Variants in MKLN1 observed in about 807,000 individuals in gnomAD.
MKLN1 encodes muskelin.
In MKLN1, 18 loss-of-function variants were observed where a neutral mutation model predicts 99.0. The observed-to-expected ratio is 0.18, with a 90% CI of 0.13 to 0.27. The LOEUF is 0.27. Among genes scored for constraint, MKLN1 ranks in the 10% least tolerant of loss-of-function variants. MKLN1 has a pLI of 1.00. For synonymous variants in MKLN1, 288 were observed against 293.2 expected (o/e 0.98, Z 0.18); for missense variants, 621 against 875.9 (o/e 0.71, Z 3.67).
intron 8 of MKLN1, among the ~76,000 whole-genome samples, chr7:131,421,437 T>C (rs1199876179): frequency 1.3e-5 from 2 of 152,134 alleles, no homozygotes; most frequent in Admixed American, 6.6e-5. Flanking sequence ...CCACATATAA[T>C]AGGTAGGTGT....
intron 1 of MKLN1, among the ~76,000 whole-genome samples, chr7:131,124,297 A>C (rs1795420866): frequency 6.6e-6 from 1 of 152,248 alleles, no homozygotes. Context: ...GTAAGTCAAG[A>C]GGTCACAGAC....
intron 17 of MKLN1, among the ~76,000 whole-genome samples, chr7:131,483,177 C>T (rs965932303): frequency 6.6e-6 from 1 of 152,116 alleles, no homozygotes; most frequent in African/African-American, 2.4e-5. Context: ...ACCTTTTTGT[C>T]CTAGCAGTGC....
At chr7:131,349,680 A>G (rs1056965640) in intron 1 of MKLN1, among the ~76,000 whole-genome samples, 1 of 152,216 alleles carries the variant, frequency 6.6e-6, no homozygotes. Context: ...GAAAAGATTG[A>G]TAATTCAAGC....
chr7:131,271,712 C>T (rs1474313176), intron 3 of MKLN1, among the ~76,000 whole-genome samples: 1 of 151,858 alleles, frequency 6.6e-6, no homozygotes, highest in Non-Finnish European at 1.5e-5. Context: ...AGTTTGAGAC[C>T]AGCTTGGTCA....
chr7:131,376,132 A>ACG (rs1563318281), intron 2 of MKLN1, among the ~76,000 whole-genome samples: 1 of 18,808 alleles, frequency 5.3e-5, no homozygotes, highest in African/African-American at 1.1e-4. Flanking sequence ...ATATATATAT[A>ACG]TATGTATGAT....
At chr7:131,268,002 T>C (rs1797833558) in intron 3 of MKLN1, among the ~76,000 whole-genome samples, 1 of 152,224 alleles carries the variant, frequency 6.6e-6, no homozygotes, top group East Asian at 1.9e-4. Context: ...ATTACCATGT[T>C]TAACAAAAGA....
At chr7:131,345,901 A>G (rs1169340201) in intron 1 of MKLN1, among the ~76,000 whole-genome samples, 4 of 152,114 alleles carry the variant, frequency 2.6e-5, no homozygotes, top group South Asian at 2.1e-4. Flanking sequence ...GTTTTGGTCA[A>G]TAATATACTT....
intron 1 of MKLN1, among the ~76,000 whole-genome samples, chr7:131,140,879 A>G (rs747919158): frequency 6.6e-6 from 1 of 151,832 alleles, no homozygotes; most frequent in African/African-American, 2.4e-5. Context: ...TCCCAGGTTC[A>G]AGCAATTCTT....
At chr7:131,374,797 ATATT>A (rs1197261020) in intron 1 of MKLN1, among the ~76,000 whole-genome samples, 2 of 152,128 alleles carry the variant, frequency 1.3e-5, no homozygotes, top group African/African-American at 4.8e-5. Context: ...AAAAATATAT[ATATT>A]CTATACGATG....
At chr7:131,376,463 A>G (rs1393487882) in intron 2 of MKLN1, among the ~76,000 whole-genome samples, 3 of 151,160 alleles carry the variant, frequency 2.0e-5, no homozygotes, top group Admixed American at 6.6e-5. Flanking sequence ...CCAACATGGT[A>G]AAACCTTGTC....
intron 2 of MKLN1, among the ~76,000 whole-genome samples, chr7:131,376,524 C>T (rs1199924600): frequency 2.0e-5 from 3 of 151,160 alleles, no homozygotes; most frequent in Non-Finnish European, 4.4e-5. Flanking sequence ...CGCCTATAGT[C>T]CCAGCTACTC....
chr7:131,248,548 G>A (rs965498009), intron 3 of MKLN1, among the ~76,000 whole-genome samples: 1 of 152,168 alleles, frequency 6.6e-6, no homozygotes, highest in East Asian at 1.9e-4. Context: ...CTTACTTACT[G>A]TAGGGGGTAG....
chr7:131,333,063 A>G (rs1799126098), intron 1 of MKLN1, among the ~76,000 whole-genome samples: 2 of 152,092 alleles, frequency 1.3e-5, no homozygotes, highest in African/African-American at 4.8e-5. Flanking sequence ...AGCTGGTATT[A>G]CAGGCGTGCA....
chr7:131,331,436 C>A, intron 1 of MKLN1, among the ~76,000 whole-genome samples: 2 of 152,222 alleles, frequency 1.3e-5, no homozygotes, highest in South Asian at 4.2e-4. Flanking sequence ...TATTTTAGAG[C>A]TAGGAAAAGT....
intron 3 of MKLN1, among the ~76,000 whole-genome samples, chr7:131,214,135 G>A (rs569211899): frequency 4.7e-4 from 72 of 152,126 alleles, no homozygotes; most frequent in African/African-American, 1.5e-3. Context: ...ATTTCCACCC[G>A]CCTCAGCCTC....
chr7:131,209,155 T>C (rs1031156577), intron 3 of MKLN1, among the ~76,000 whole-genome samples: 1 of 152,160 alleles, frequency 6.6e-6, no homozygotes, highest in Non-Finnish European at 1.5e-5. Flanking sequence ...TGGCTGGAAC[T>C]CAGTGGCAAA....
chr7:131,214,133 C>T (rs1256583665), intron 3 of MKLN1, among the ~76,000 whole-genome samples: 1 of 152,076 alleles, frequency 6.6e-6, no homozygotes, highest in African/African-American at 2.4e-5. Context: ...TTATTTCCAC[C>T]CGCCTCAGCC....
chr7:131,370,656 C>T (rs1800320979), intron 1 of MKLN1, among the ~76,000 whole-genome samples: 1 of 152,166 alleles, frequency 6.6e-6, no homozygotes, highest in African/African-American at 2.4e-5. Context: ...AGGAGACACC[C>T]CTCAGCAATT....
intron 1 of MKLN1, among the ~76,000 whole-genome samples, chr7:131,355,356 A>G (rs751405665): frequency 1.8e-4 from 27 of 152,032 alleles, no homozygotes; most frequent in Non-Finnish European, 3.7e-4. Flanking sequence ...AATTAAATTT[A>G]TAAGTTAACA....
Sources: allele counts gnomAD v4.1 joint callset (sites outside exome capture counted in the v4.1 genomes callset), GRCh38; gene constraint gnomAD v4.1.1; transcripts MANE v1.5; gene names NCBI Gene and HGNC (gene_info 2026-07-23, HGNC 2026-07-21).